Variants in TTC1 observed in about 807,000 individuals in gnomAD.
The protein encoded by TTC1 is tetratricopeptide repeat domain 1.
TTC1 carries 31 observed loss-of-function variants against 37.6 expected under a neutral mutation model. The ratio of observed to expected loss-of-function variants is 0.82; its 90% CI spans 0.62 to 1.11. The LOEUF is 1.11. TTC1 is among the 50% of genes most tolerant of loss of function. The pLI, the probability that TTC1 is intolerant of heterozygous loss-of-function variation, is 0.00. For synonymous variants in TTC1, 127 were observed against 122.4 expected, an observed-to-expected ratio of 1.04 and a Z score of -0.25; for missense variants, 351 against 339.0, an observed-to-expected ratio of 1.04 and a Z score of -0.28.
chr5:160,024,702 T>C (rs538217556), intron 2 of TTC1, among the ~76,000 whole-genome samples: 108 of 152,028 alleles, frequency 7.1e-4, no homozygotes, highest in Non-Finnish European at 1.0e-3. Flanking sequence ...TTTTGCTTTG[T>C]TGCCCCGGTT....
chr5:160,047,346 T>A (rs942273747), intron 5 of TTC1, among the ~76,000 whole-genome samples: 1 of 152,200 alleles, frequency 6.6e-6, no homozygotes, highest in African/African-American at 2.4e-5. Context: ...TTTGGAGTCA[T>A]CCCTGATTGT....
At chr5:160,009,293 C>T (rs1045997977) in intron 1 of TTC1, 100 bp downstream of exon 1, 2 of 152,206 alleles carry the variant, frequency 1.3e-5, no homozygotes, top group Non-Finnish European at 2.9e-5. Flanking sequence ...ACTGTAGGAG[C>T]TCAAACTCCT....
intron 4 of TTC1, among the ~76,000 whole-genome samples, chr5:160,041,024 G>T (rs1463896347): frequency 6.6e-6 from 1 of 151,804 alleles, no homozygotes; most frequent in South Asian, 2.1e-4. Context: ...GCCTACACAG[G>T]ATCAGGAGCA....
intron 2 of TTC1, among the ~76,000 whole-genome samples, chr5:160,034,295 T>G (rs1001564109): frequency 1.4e-4 from 21 of 152,316 alleles, no homozygotes; most frequent in African/African-American, 5.1e-4. Context: ...GTGCACACAC[T>G]CAGCATGCGT....
chr5:160,040,281 C>T (rs917987660), intron 4 of TTC1, among the ~76,000 whole-genome samples: 1 of 152,070 alleles, frequency 6.6e-6, no homozygotes, highest in African/African-American at 2.4e-5. Context: ...CACACACACA[C>T]ATACATATAC....
chr5:160,020,108 T>C (rs1271400782), intron 2 of TTC1, among the ~76,000 whole-genome samples: 1 of 151,916 alleles, frequency 6.6e-6, no homozygotes, highest in Admixed American at 6.6e-5. Flanking sequence ...TTTGTATTTT[T>C]AGTAGAGACG....
chr5:160,027,486 G>C (rs1405187817), intron 2 of TTC1, among the ~76,000 whole-genome samples: 10 of 152,116 alleles, frequency 6.6e-5, no homozygotes, highest in Non-Finnish European at 4.4e-5. Flanking sequence ...CATAATTACA[G>C]CTTTTTATAA....
intron 5 of TTC1, among the ~76,000 whole-genome samples, chr5:160,045,514 A>ACTCTCTCTC (rs57730976): frequency 3.4e-5 from 1 of 29,736 alleles, no homozygotes; most frequent in Admixed American, 4.4e-4. Context: ...ACACACACAC[A>ACTCTCTCTC]TACACACTCT....
At chr5:160,018,510 A>G (rs1756645207) in intron 2 of TTC1, among the ~76,000 whole-genome samples, 1 of 152,182 alleles carries the variant, frequency 6.6e-6, no homozygotes, top group South Asian at 2.1e-4. Context: ...TAAAGTAACA[A>G]CAAGTTTGGT....
intron 2 of TTC1, among the ~76,000 whole-genome samples, chr5:160,029,274 G>A (rs1317427314): frequency 6.6e-6 from 1 of 152,020 alleles, no homozygotes; most frequent in Non-Finnish European, 1.5e-5. Flanking sequence ...GGGCCTAAAA[G>A]GAGTAATACC....
At chr5:160,027,632 G>T (rs1561628400) in intron 2 of TTC1, among the ~76,000 whole-genome samples, 1 of 152,148 alleles carries the variant, frequency 6.6e-6, no homozygotes, top group Non-Finnish European at 1.5e-5. Context: ...CAGCCTGAAG[G>T]ACTTTAATAT....
chr5:160,055,845 A>T (rs1439565857), intron 7 of TTC1, among the ~76,000 whole-genome samples: 1 of 152,236 alleles, frequency 6.6e-6, no homozygotes, highest in African/African-American at 2.4e-5. Context: ...TTTGTGTTGT[A>T]GCTGCAGCAG....
intron 2 of TTC1, among the ~76,000 whole-genome samples, chr5:160,031,469 C>G (rs1201402435): frequency 1.3e-5 from 2 of 151,844 alleles, no homozygotes; most frequent in Non-Finnish European, 2.9e-5. Context: ...AAAAAATTAG[C>G]CAGGTGTGGT....
chr5:160,033,052 G>A (rs1030143786), intron 2 of TTC1, among the ~76,000 whole-genome samples: 1 of 152,128 alleles, frequency 6.6e-6, no homozygotes, highest in Non-Finnish European at 1.5e-5. Context: ...AAGCCTATTC[G>A]TTAAGCCTCT....
Position 160,046,645 on chromosome 5 carries a change from T to C in TTC1, c.542-2869T>C, listed in dbSNP as rs114544189. On this transcript the variant is annotated intron_variant, in intron 5 of 7. Transcript: ENST00000231238. ...ATGTTTATGTTATATACCATAAATA[T>C]ACACAATTTTTATTTGTCATTTTAA... is the stretch of plus-strand genomic sequence containing the variant. 8.8e-3 allele frequency among the ~76,000 whole-genome samples: 1,346 copies of C among 152,348 alleles called. 18 individuals carry two copies. Among genetic ancestry groups the C allele is most frequent in the African/African-American group, 0.031 (1,279 of 41,578 alleles).
At chr5:160,048,372 C>G (rs1187082001) in intron 5 of TTC1, among the ~76,000 whole-genome samples, 1 of 151,978 alleles carries the variant, frequency 6.6e-6, no homozygotes, top group East Asian at 1.9e-4. Context: ...GGCTGACGGT[C>G]TCAAAGTCCT....
In TTC1 at chr5:160,010,708, G is replaced by A. The variant is rs1284649991; in HGVS notation, c.180G>A (p.Glu60=). ...ATCTCCAGGAGGACCAGGGAGAAGA[G>A]GAGTGTTTTCATGACTGCAGTGCCT... ...EAHLQEDQGE[E]ECFHDCSASF... is the part of the protein sequence containing the mutation. Residue 60 remains glutamate (E), a synonymous_variant, in exon 2 of 8, where the codon GAG becomes GAA. Transcript: ENST00000231238. The A allele has an allele frequency of 1.2e-6, 2 of 1,613,674 alleles. No homozygotes were observed. Among genetic ancestry groups the A allele is most frequent in the African/African-American group, 2.7e-5 (2 of 74,912 alleles).
intron 2 of TTC1, among the ~76,000 whole-genome samples, chr5:160,031,713 A>G (rs1390838999): frequency 6.6e-6 from 1 of 152,192 alleles, no homozygotes; most frequent in East Asian, 1.9e-4. Context: ...TATAAAGGCA[A>G]GATGAGGGCT....
At chr5:160,053,352 G>A (rs944132643) in intron 7 of TTC1, among the ~76,000 whole-genome samples, 1 of 152,112 alleles carries the variant, frequency 6.6e-6, no homozygotes, top group African/African-American at 2.4e-5. Flanking sequence ...CAGCAATTTG[G>A]GAGGCTGAGC....
Sources: allele counts gnomAD v4.1 joint callset (sites outside exome capture counted in the v4.1 genomes callset), GRCh38; gene constraint gnomAD v4.1.1; transcripts MANE v1.5; gene names NCBI Gene and HGNC (gene_info 2026-07-23, HGNC 2026-07-21).